Variants in PCDHGA11 observed in about 807,000 individuals in gnomAD.
The protein encoded by PCDHGA11 is protocadherin gamma-A11.
Under a neutral mutation model 60.4 loss-of-function variants are expected in PCDHGA11, and 39 were observed. The observed-to-expected ratio is 0.65, with a 90% CI of 0.50 to 0.84. The LOEUF is 0.84. PCDHGA11 is among the 40% of genes least tolerant of loss of function. The probability of loss-of-function intolerance (pLI) is 0.00; values close to 1 mark genes in which losing one functional copy is unlikely to be tolerated. For synonymous variants in PCDHGA11, 533 were observed against 510.3 expected (o/e 1.04, Z -0.60); for missense variants, 1,165 against 1,197.7 (o/e 0.97, Z 0.40).
chr5:141,433,029 T>C (rs2097561523), intron 1 of PCDHGA11: 2 of 1,613,998 alleles, frequency 1.2e-6, no homozygotes, highest in African/African-American at 2.7e-5. Flanking sequence ...TCCCACGAGG[T>C]TTCCCTCACC....
In PCDHGA11 at chr5:141,490,363, C is replaced by T. The variant is rs779932482; in HGVS notation, c.2434-4444C>T. 10 of 1,614,036 alleles carry T rather than the reference C, an allele frequency of 6.2e-6. No individual in the cohort carries two copies. The highest frequency in any genetic ancestry group is 1.3e-5 in the African/African-American group (1 of 74,904). The stretch of plus-strand genomic sequence containing the variant: ...CACAGTAGTGGGGTTGTTTAATGTG[C>T]GAGACCGGGACTCAGGTAGAAATGG... On this transcript the variant is annotated intron_variant, in intron 1 of 3. Coordinates refer to ENST00000398587, the MANE Select transcript of PCDHGA11 (RefSeq NM_018914.3). The surrounding 1 kb of genome is among the most constrained non-coding windows in gnomAD (Gnocchi z 5.4).
At chr5:141,453,319 G>T (rs2098762311) in intron 1 of PCDHGA11, among the ~76,000 whole-genome samples, 1 of 151,492 alleles carries the variant, frequency 6.6e-6, no homozygotes, top group Admixed American at 6.6e-5. Flanking sequence ...TTATTTTAGA[G>T]ATGGGGTCTC....
Position 141,486,552 on chromosome 5 carries a change from A to G in PCDHGA11, c.2434-8255A>G. On this transcript the variant is annotated intron_variant, in intron 1 of 3. Coordinates refer to ENST00000398587, the MANE Select transcript of PCDHGA11 (RefSeq NM_018914.3). This position sits in a 1 kb window ranked among gnomAD's most constrained non-coding sequence, Gnocchi z 5.0. ...CCACCCTCTTTCTTTCAGAGGTCAC[A>G]TGAGGTGTTTGTTCCTGAGAACAAT... is the stretch of plus-strand genomic sequence containing the variant. 1 of 1,614,136 alleles carries G rather than the reference A, an allele frequency of 6.2e-7. No homozygotes were observed. The highest frequency in any genetic ancestry group is 2.2e-5 in the East Asian group (1 of 44,882).
chr5:141,458,059 T>G (rs533147047), intron 1 of PCDHGA11, among the ~76,000 whole-genome samples: 39 of 152,358 alleles, frequency 2.6e-4, no homozygotes, highest in African/African-American at 8.9e-4. Context: ...CTTGCTGCAC[T>G]GATGCGAACA....
At position 141,432,834 on chromosome 5, in the gene PCDHGA11, A is replaced by G; in HGVS notation, c.2433+9174A>G. 6.2e-7 allele frequency: 1 copy of G among 1,614,082 alleles called. No homozygotes were observed. The highest frequency in any genetic ancestry group is 8.5e-7 in the Non-Finnish European group (1 of 1,179,978). ...TCTGAAACCTCAGACCTCACTCTGTACCTGGTGGTAGCGGTGGCCGCGGTC... is the reference window on the plus strand; with the variant it reads ...TCTGAAACCTCAGACCTCACTCTGTGCCTGGTGGTAGCGGTGGCCGCGGTC... On this transcript the variant is annotated intron_variant, in intron 1 of 3. Transcript: ENST00000398587. This position sits in a 1 kb window ranked among gnomAD's most constrained non-coding sequence, Gnocchi z 6.0.
intron 1 of PCDHGA11, among the ~76,000 whole-genome samples, chr5:141,494,547 C>T (rs2099755185): frequency 6.6e-6 from 1 of 152,106 alleles, no homozygotes; most frequent in East Asian, 1.9e-4. Context: ...GAGGAAGGGG[C>T]CATTTCTTTA....
At chr5:141,466,765 G>A (rs1199343616) in intron 1 of PCDHGA11, among the ~76,000 whole-genome samples, 1 of 151,996 alleles carries the variant, frequency 6.6e-6, no homozygotes, top group African/African-American at 2.4e-5. Context: ...TTTTCAAACT[G>A]TTATCTTATT....
chr5:141,444,376 G>A (rs977995642), intron 1 of PCDHGA11, among the ~76,000 whole-genome samples: 1 of 151,796 alleles, frequency 6.6e-6, no homozygotes, highest in Non-Finnish European at 1.5e-5. Flanking sequence ...TCTCCATGTT[G>A]GTCAGGCTAG....
At position 141,489,545 on chromosome 5, in the gene PCDHGA11, G is replaced by A. The variant is rs1396651116; in HGVS notation, c.2434-5262G>A. On this transcript the variant is annotated intron_variant, in intron 1 of 3. Transcript: ENST00000398587. The surrounding 1 kb of genome is among the most constrained non-coding windows in gnomAD (Gnocchi z 4.5). ...AGCCTATGTGGAGCCAGCACCAGCT[G>A]CCTGCTGCCAGTGCAGGTGGTGACT... 3 of 1,613,984 alleles carry A rather than the reference G, an allele frequency of 1.9e-6. No individual in the cohort carries two copies. The highest frequency in any genetic ancestry group is 2.5e-6 in the Non-Finnish European group (3 of 1,180,022).
chr5:141,487,811 A>C lies in PCDHGA11; in HGVS notation c.2434-6996A>C, dbSNP rs1389081995. 2 of 1,414,662 alleles carry C rather than the reference A, an allele frequency of 1.4e-6. No homozygotes were observed. The highest frequency in any genetic ancestry group is 1.9e-6 in the Non-Finnish European group (2 of 1,041,698). The allele number at this position is 1,414,662 out of a possible 1,614,324, so 87.6% of individuals were successfully genotyped here. On this transcript the variant is annotated intron_variant, in intron 1 of 3. Coordinates refer to ENST00000398587, the MANE Select transcript of PCDHGA11 (RefSeq NM_018914.3). This position sits in a 1 kb window ranked among gnomAD's most constrained non-coding sequence, Gnocchi z 5.0. ...TTAACCAGAGTTGTCACAGTTTAGC[A>C]TTGGGGGCGGGTCATGCCTATATCT...
chr5:141,433,623 G>A (rs2097635547), intron 1 of PCDHGA11, among the ~76,000 whole-genome samples: 1 of 152,070 alleles, frequency 6.6e-6, no homozygotes, highest in African/African-American at 2.4e-5. Flanking sequence ...ATCACCTGAG[G>A]TTGGGAGTTT....
intron 1 of PCDHGA11, among the ~76,000 whole-genome samples, chr5:141,429,720 A>G (rs571388976): frequency 6.6e-6 from 1 of 152,340 alleles, no homozygotes; most frequent in South Asian, 2.1e-4. Context: ...TACGCTCATG[A>G]AAGTACGTAG....
chr5:141,477,042 G>A lies in PCDHGA11; in HGVS notation c.2434-17765G>A. ...ACCGGGATGCTGACAATCAAGGGTC[G>A]GCTGGACTTCGAGGACACCAAACTC... On this transcript the variant is annotated intron_variant, in intron 1 of 3. Transcript: ENST00000398587. This position sits in a 1 kb window ranked among gnomAD's most constrained non-coding sequence, Gnocchi z 4.9. 1 of 1,614,238 alleles carries A rather than the reference G, an allele frequency of 6.2e-7. No homozygotes were observed. Among genetic ancestry groups the A allele is most frequent in the Non-Finnish European group, 8.5e-7 (1 of 1,180,040 alleles).
chr5:141,467,321 G>A (rs2099141786), intron 1 of PCDHGA11, among the ~76,000 whole-genome samples: 2 of 152,024 alleles, frequency 1.3e-5, no homozygotes, highest in East Asian at 1.9e-4. Context: ...CCACAGTGCT[G>A]GGATTAGAGA....
chr5:141,441,772 TG>T, intron 1 of PCDHGA11: 1 of 388,268 alleles, frequency 2.6e-6, no homozygotes, highest in South Asian at 2.0e-5. Flanking sequence ...CGCGTGTTGG[TG>T]GACGACCTGA....
intron 1 of PCDHGA11, chr5:141,433,074 A>C: frequency 6.2e-7 from 1 of 1,614,218 alleles, no homozygotes; most frequent in East Asian, 2.2e-5. Flanking sequence ...ATCTTCCCCC[A>C]GCCCAACTAT....
chr5:141,505,287 TG>T, intron 2 of PCDHGA11, 105 bp from the exon 3 acceptor site: 1 of 1,550,864 alleles, frequency 6.4e-7, no homozygotes, highest in Middle Eastern at 2.1e-4. Context: ...GTCTTGGGCA[TG>T]GGGTAGGGTT....
intron 1 of PCDHGA11, among the ~76,000 whole-genome samples, chr5:141,439,599 G>A (rs1319524199): frequency 6.6e-6 from 1 of 152,146 alleles, no homozygotes; most frequent in Non-Finnish European, 1.5e-5. Flanking sequence ...TGGCCAGTCT[G>A]GAAACAGAGA....
At chr5:141,455,860 ATTATTTAT>A (rs145569377) in intron 1 of PCDHGA11, among the ~76,000 whole-genome samples, 26,605 of 139,696 alleles carry the variant, frequency 0.19, 2,610 homozygotes, top group Middle Eastern at 0.23. Context: ...AATTTCTTTT[ATTATTTAT>A]TTATTTATTT....
Sources: allele counts gnomAD v4.1 joint callset (sites outside exome capture counted in the v4.1 genomes callset), GRCh38; gene constraint gnomAD v4.1.1; non-coding constraint Gnocchi (gnomAD v3.1); transcripts MANE v1.5; gene names NCBI Gene and HGNC (gene_info 2026-07-23, HGNC 2026-07-21).